MBNL2: variants seen among roughly 807,000 people sequenced by gnomAD.
MBNL2 encodes muscleblind like splicing regulator 2, also known as muscleblind-like protein 2.
MBNL2 carries 17 observed loss-of-function variants against 41.9 expected under a neutral mutation model. The observed-to-expected ratio is 0.41, with a 90% CI of 0.28 to 0.61. The LOEUF (loss-of-function observed/expected upper bound fraction) is 0.61. MBNL2 is among the 20% of genes least tolerant of loss of function. The probability of loss-of-function intolerance (pLI) is 0.35; values close to 1 mark genes in which losing one functional copy is unlikely to be tolerated. For synonymous variants in MBNL2, 195 were observed against 182.9 expected, an observed-to-expected ratio of 1.07 and a Z score of -0.53; for missense variants, 336 against 505.6, an observed-to-expected ratio of 0.66 and a Z score of 3.22.
At chr13:97,192,157 C>T in the MBNL2 span, among the ~76,000 whole-genome samples, 1 of 152,184 alleles carries the variant, frequency 6.6e-6, no homozygotes, top group Non-Finnish European at 1.5e-5. Context: ...AGAATAACAT[C>T]TTCAGATACT....
intron 4 of MBNL2, among the ~76,000 whole-genome samples, chr13:97,343,865 G>A (rs2061622861): frequency 6.6e-6 from 1 of 152,196 alleles, no homozygotes; most frequent in Non-Finnish European, 1.5e-5. Flanking sequence ...GGAGTGCAAT[G>A]GTGCAATCTT....
At chr13:97,319,144 A>T (rs1365069949) in intron 2 of MBNL2, among the ~76,000 whole-genome samples, 1 of 152,134 alleles carries the variant, frequency 6.6e-6, no homozygotes, top group Non-Finnish European at 1.5e-5. Context: ...GCCTGGAGGG[A>T]GGCAGGTTCT....
chr13:97,393,876 T>G lies in MBNL2; in HGVS notation c.*2427T>G, dbSNP rs2066456085. 1 of 152,558 alleles carries G rather than the reference T, an allele frequency of 6.6e-6. No homozygotes were observed. The highest frequency in any genetic ancestry group is 1.5e-5 in the Non-Finnish European group (1 of 67,988). The allele number at this position is 152,558 out of a possible 1,614,324, so 9.5% of individuals were successfully genotyped here. A position where few individuals can be genotyped will look rare whatever the true frequency, so the allele number is the denominator to read the frequency against. ...TGTAGTTAAGAGACTAACTCTCCAC[T>G]TGTATGGGAACTACATTTCACTCTT... On this transcript the variant is annotated 3_prime_UTR_variant, in exon 9 of 9. Transcript: ENST00000679496.
chr13:97,182,343 C>T, the MBNL2 span, among the ~76,000 whole-genome samples: 1 of 152,228 alleles, frequency 6.6e-6, no homozygotes, highest in Non-Finnish European at 1.5e-5. Context: ...TCAGTTAGCA[C>T]TGGTGACAGA....
chr13:97,259,963 G>A (rs933407787), intron 1 of MBNL2, among the ~76,000 whole-genome samples: 1 of 152,160 alleles, frequency 6.6e-6, no homozygotes, highest in African/African-American at 2.4e-5. Context: ...GTTAAATGTT[G>A]CCCTAGATGT....
chr13:97,209,892 T>C, the MBNL2 span, among the ~76,000 whole-genome samples: 1 of 152,136 alleles, frequency 6.6e-6, no homozygotes, highest in Non-Finnish European at 1.5e-5. Flanking sequence ...GCCTCCTGGG[T>C]TCAAGCAATT....
At chr13:97,376,633 C>CTGCAA (rs764413498) in intron 8 of MBNL2, among the ~76,000 whole-genome samples, 3 of 152,186 alleles carry the variant, frequency 2.0e-5, no homozygotes, top group Non-Finnish European at 4.4e-5. Flanking sequence ...TTACTGCTTG[C>CTGCAA]TGCAATGCAT....
intron 1 of MBNL2, among the ~76,000 whole-genome samples, chr13:97,223,934 T>C (rs1394576222): frequency 6.6e-6 from 1 of 152,236 alleles, no homozygotes; most frequent in Non-Finnish European, 1.5e-5. Context: ...GGAATATTTC[T>C]TTATGTCCTG....
intron 2 of MBNL2, among the ~76,000 whole-genome samples, chr13:97,288,534 C>T (rs566365019): frequency 4.6e-5 from 7 of 152,274 alleles, no homozygotes; most frequent in East Asian, 1.9e-4. Context: ...GAGAAGCCAG[C>T]GGAAAATGCC....
chr13:97,252,460 C>A lies in MBNL2; in HGVS notation c.-604-23172C>A, dbSNP rs555874922. Among the ~76,000 whole-genome samples the A allele has an allele frequency of 1.2e-4, 18 of 152,246 alleles. No homozygotes were observed. The East Asian group carries it at 3.5e-3, about 29-fold the overall frequency. The stretch of plus-strand genomic sequence containing the variant: ...TTTTATTAAAATAGGATTAAATCTA[C>A]AAATTAATTTAGTAAGAACTAATAT... On this transcript the variant is annotated intron_variant, in intron 1 of 8. Coordinates refer to ENST00000679496, the MANE Select transcript of MBNL2 (RefSeq NM_001382683.1).
At chr13:97,287,906 G>A (rs532548189) in intron 2 of MBNL2, among the ~76,000 whole-genome samples, 4 of 141,804 alleles carry the variant, frequency 2.8e-5, no homozygotes, top group South Asian at 2.2e-4. Flanking sequence ...CACCAGGCCC[G>A]GCTAATTTTC....
intron 8 of MBNL2, among the ~76,000 whole-genome samples, chr13:97,368,700 T>TTGTG (rs140107508): frequency 0.016 from 2,301 of 148,310 alleles, 45 homozygotes; most frequent in African/African-American, 0.04. Context: ...ATATTCAAGT[T>TTGTG]TGTGTGTGTG....
At chr13:97,327,560 T>TAAAAAAAAAAAAA (rs71922683) in intron 2 of MBNL2, among the ~76,000 whole-genome samples, 1 of 90,744 alleles carries the variant, frequency 1.1e-5, no homozygotes. Context: ...ACGTTATTTG[T>TAAAAAAAAAAAAA]AAAAAAAAAA....
the MBNL2 span, among the ~76,000 whole-genome samples, chr13:97,197,564 AT>A: frequency 6.6e-6 from 1 of 151,894 alleles, no homozygotes; most frequent in East Asian, 1.9e-4. Flanking sequence ...TTGATTAGCT[AT>A]TTTTTCTCTA....
At chr13:97,363,774 A>T (rs2063620219) in intron 7 of MBNL2, among the ~76,000 whole-genome samples, 2 of 152,160 alleles carry the variant, frequency 1.3e-5, no homozygotes, top group African/African-American at 4.8e-5. Context: ...ATTGGCACAC[A>T]TTTGTTGAAG....
At chr13:97,365,894 G>A (rs1050980622) in intron 8 of MBNL2, among the ~76,000 whole-genome samples, 8 of 152,078 alleles carry the variant, frequency 5.3e-5, no homozygotes, top group African/African-American at 1.9e-4. Context: ...AGGCTATGAT[G>A]TTTGCTCCAT....
chr13:97,223,312 C>T (rs1174920832), intron 1 of MBNL2, among the ~76,000 whole-genome samples: 1 of 152,192 alleles, frequency 6.6e-6, no homozygotes, highest in Non-Finnish European at 1.5e-5. Flanking sequence ...TATGCCGAAC[C>T]ATATCAACTT....
At chr13:97,269,331 G>T (rs117460529) in intron 1 of MBNL2, among the ~76,000 whole-genome samples, 3,355 of 152,208 alleles carry the variant, frequency 0.022, 49 homozygotes, top group Middle Eastern at 0.041. Context: ...AAAGGCTAAG[G>T]GTGCCCTGCA....
the MBNL2 span, among the ~76,000 whole-genome samples, chr13:97,167,595 A>C: frequency 6.6e-6 from 1 of 152,332 alleles, no homozygotes; most frequent in East Asian, 1.9e-4. Flanking sequence ...TTCCTTTTTA[A>C]ATAAATCAGT....
Sources: gnomAD v4.1 joint callset for allele counts (sites outside exome capture counted in the v4.1 genomes callset) on GRCh38, gnomAD v4.1.1 for gene constraint, MANE v1.5 for transcripts, NCBI Gene and HGNC (gene_info 2026-07-23, HGNC 2026-07-21) for gene names.